The following NRXN3 variants were observed in gnomAD, a reference collection of about 807,000 sequenced individuals.
The protein encoded by NRXN3 is neurexin 3, also known as neurexin III.
Under a neutral mutation model 137.6 loss-of-function variants are expected in NRXN3, and 32 were observed. The observed-to-expected ratio is 0.23, with a 90% CI of 0.18 to 0.31. The LOEUF is 0.31. NRXN3 is among the 10% of genes least tolerant of loss of function. The pLI is 1.00. For synonymous variants in NRXN3, 798 were observed against 784.5 expected, an observed-to-expected ratio of 1.02 and a Z score of -0.29; for missense variants, 1,574 against 2,062.5, an observed-to-expected ratio of 0.76 and a Z score of 4.59.
Position 79,611,957 on chromosome 14 carries a change from G to C in NRXN3, c.3445-51821G>C, listed in dbSNP as rs563298660. 8 of 152,260 alleles carry C rather than the reference G, an allele frequency of 5.3e-5. No homozygotes were observed. In the South Asian group the frequency reaches 1.7e-3, roughly 32 times the overall value. 9.4% of individuals were successfully genotyped at this position (152,260 alleles called of 1,614,324 possible). On this transcript the variant is annotated intron_variant, in intron 16 of 20. Coordinates refer to ENST00000335750, the MANE Select transcript of NRXN3 (RefSeq NM_001330195.2). Reference sequence around the variant, plus strand: ...TCATTTCTTTGACATTAATTATTAAGGCAATTAGGAAATTTTCCATCTAGT... The same window carrying C: ...TCATTTCTTTGACATTAATTATTAACGCAATTAGGAAATTTTCCATCTAGT...
intron 15 of NRXN3, among the ~76,000 whole-genome samples, chr14:79,004,201 G>A (rs1352465157): frequency 6.6e-6 from 1 of 152,168 alleles, no homozygotes; most frequent in Non-Finnish European, 1.5e-5. Context: ...TGAGTAAAAT[G>A]TGATTCATTT....
chr14:79,816,630 C>A (rs2099252272), intron 20 of NRXN3, among the ~76,000 whole-genome samples: 2 of 152,166 alleles, frequency 1.3e-5, no homozygotes, highest in African/African-American at 4.8e-5. Flanking sequence ...GAAAGACTAT[C>A]CCAGATACAT....
At chr14:79,618,419 A>G (rs2098185917) in intron 16 of NRXN3, among the ~76,000 whole-genome samples, 1 of 152,128 alleles carries the variant, frequency 6.6e-6, no homozygotes, top group African/African-American at 2.4e-5. Flanking sequence ...TTAGCTTGCA[A>G]TTACAAGTGA....
At chr14:79,166,982 CTG>C (rs2061341805) in intron 15 of NRXN3, among the ~76,000 whole-genome samples, 1 of 151,940 alleles carries the variant, frequency 6.6e-6, no homozygotes, top group Non-Finnish European at 1.5e-5. Context: ...ATATTTATCA[CTG>C]TTAGTGGTGT....
At chr14:79,694,933 C>A (rs1025280243) in intron 18 of NRXN3, among the ~76,000 whole-genome samples, 1 of 151,956 alleles carries the variant, frequency 6.6e-6, no homozygotes, top group African/African-American at 2.4e-5. Context: ...CAAACACTCC[C>A]TATGGCAAGA....
chr14:79,720,036 A>T (rs769404374), intron 19 of NRXN3, among the ~76,000 whole-genome samples: 5 of 152,090 alleles, frequency 3.3e-5, no homozygotes, highest in Non-Finnish European at 7.4e-5. Context: ...TGGGGAGTGT[A>T]TTAGTCTGTT....
intron 10 of NRXN3, among the ~76,000 whole-genome samples, chr14:78,840,715 G>A (rs967054210): frequency 6.6e-6 from 1 of 152,162 alleles, no homozygotes; most frequent in African/African-American, 2.4e-5. Context: ...TTTCTATCCA[G>A]AAGTGACACT....
intron 15 of NRXN3, among the ~76,000 whole-genome samples, chr14:79,427,767 G>A (rs2095678079): frequency 6.6e-6 from 1 of 151,850 alleles, no homozygotes; most frequent in East Asian, 1.9e-4. Context: ...TGGAGTTGGA[G>A]GTTGAAGAGA....
intron 4 of NRXN3, among the ~76,000 whole-genome samples, chr14:78,382,877 G>A (rs1410255521): frequency 6.6e-6 from 1 of 152,126 alleles, no homozygotes; most frequent in African/African-American, 2.4e-5. Context: ...TGCAAGGTCT[G>A]TACGATCTCT....
chr14:79,023,478 C>T (rs937809705), intron 15 of NRXN3, among the ~76,000 whole-genome samples: 5 of 151,706 alleles, frequency 3.3e-5, no homozygotes, highest in African/African-American at 1.2e-4. Context: ...GGAAGTCTTC[C>T]CTGAGGAAAA....
At chr14:79,590,706 G>A (rs1436034865) in intron 16 of NRXN3, among the ~76,000 whole-genome samples, 2 of 152,156 alleles carry the variant, frequency 1.3e-5, no homozygotes, top group African/African-American at 2.4e-5. Context: ...CCTGGTACAG[G>A]AGTGCATTTC....
intron 4 of NRXN3, among the ~76,000 whole-genome samples, chr14:78,314,971 C>CTTCT (rs2078499012): frequency 3.3e-5 from 3 of 89,592 alleles, no homozygotes; most frequent in African/African-American, 1.7e-4. Context: ...TCCTTCCTTC[C>CTTCT]TTCCTTCCTT....
chr14:79,070,106 G>C (rs565298482), intron 15 of NRXN3, among the ~76,000 whole-genome samples: 61 of 152,220 alleles, frequency 4.0e-4, no homozygotes, highest in Non-Finnish European at 5.6e-4. Flanking sequence ...AGGATGTTAT[G>C]ACCCTCTAAT....
intron 8 of NRXN3, among the ~76,000 whole-genome samples, chr14:78,721,346 C>T (rs932732860): frequency 6.6e-6 from 1 of 152,110 alleles, no homozygotes; most frequent in African/African-American, 2.4e-5. Context: ...AAATGTCTGA[C>T]CTGGAGATGG....
At chr14:79,560,865 C>G (rs1175743649) in intron 16 of NRXN3, among the ~76,000 whole-genome samples, 3 of 152,006 alleles carry the variant, frequency 2.0e-5, no homozygotes, top group Non-Finnish European at 2.9e-5. Context: ...TAAAGATACC[C>G]CACCAAAGAA....
intron 8 of NRXN3, among the ~76,000 whole-genome samples, chr14:78,760,822 T>A (rs1012348121): frequency 1.3e-5 from 2 of 152,062 alleles, no homozygotes; most frequent in African/African-American, 4.8e-5. Flanking sequence ...AATGATGCAT[T>A]TGAGGAGGCA....
chr14:78,870,649 G>A (rs1314543903), intron 10 of NRXN3, among the ~76,000 whole-genome samples: 9 of 151,556 alleles, frequency 5.9e-5, no homozygotes, highest in Admixed American at 3.9e-4. Context: ...CTGTGTTTTC[G>A]TGCCTTTTAA....
At chr14:79,365,457 C>T (rs943285366) in intron 15 of NRXN3, among the ~76,000 whole-genome samples, 2 of 152,014 alleles carry the variant, frequency 1.3e-5, no homozygotes, top group African/African-American at 4.8e-5. Flanking sequence ...CGGTGGCTCA[C>T]GCCTGTAATC....
intron 16 of NRXN3, among the ~76,000 whole-genome samples, chr14:79,610,284 T>A (rs537498609): frequency 6.6e-6 from 1 of 152,194 alleles, no homozygotes; most frequent in Admixed American, 6.5e-5. Flanking sequence ...TCTGGGTTCA[T>A]TACTTGTTAG....
Sources: allele counts gnomAD v4.1 joint callset (sites outside exome capture counted in the v4.1 genomes callset), GRCh38; gene constraint gnomAD v4.1.1; transcripts MANE v1.5; gene names NCBI Gene and HGNC (gene_info 2026-07-23, HGNC 2026-07-21).